SCTR: variants seen among roughly 807,000 people sequenced by gnomAD.
The protein encoded by SCTR is secretin receptor.
SCTR carries 56 observed loss-of-function variants against 60.8 expected under a neutral mutation model. The ratio of observed to expected loss-of-function variants is 0.92; its 90% confidence interval spans 0.74 to 1.15. SCTR has a LOEUF of 1.15. Among genes scored for constraint, SCTR ranks in the 50% most tolerant of loss-of-function variants. The pLI is 0.00. For missense variants in SCTR, 562 were observed against 550.4 expected, an observed-to-expected ratio of 1.02 and a Z score of -0.21; for synonymous variants, 202 against 217.0, an observed-to-expected ratio of 0.93 and a Z score of 0.61.
chr2:119,496,888 T>C (rs1395977824), intron 1 of SCTR, among the ~76,000 whole-genome samples: 1 of 152,114 alleles, frequency 6.6e-6, no homozygotes, highest in Non-Finnish European at 1.5e-5. Context: ...AAGCCATAAC[T>C]GGTAACCAGC....
intron 3 of SCTR, among the ~76,000 whole-genome samples, 198 bp from the exon 4 acceptor site, chr2:119,473,754 A>G (rs1677135971): frequency 6.6e-6 from 1 of 152,170 alleles, no homozygotes; most frequent in South Asian, 2.1e-4. Flanking sequence ...CTCGGGCTCC[A>G]GAGCCCAAGC....
At chr2:119,489,048 C>T (rs749137651) in intron 2 of SCTR, among the ~76,000 whole-genome samples, 5 of 152,158 alleles carry the variant, frequency 3.3e-5, no homozygotes, top group Non-Finnish European at 1.5e-5. Context: ...AACAGGAATG[C>T]TGGGTGCCCA....
intron 1 of SCTR, among the ~76,000 whole-genome samples, chr2:119,523,384 T>A (rs569596244): frequency 9.7e-4 from 143 of 147,108 alleles, no homozygotes; most frequent in African/African-American, 3.4e-3. Context: ...AAACCACCCA[T>A]CCTGCCGCTA....
At chr2:119,462,381 A>G (rs762663022) in intron 6 of SCTR, among the ~76,000 whole-genome samples, 6 of 152,146 alleles carry the variant, frequency 3.9e-5, no homozygotes, top group Admixed American at 3.3e-4. Context: ...AAGGGAAGAG[A>G]TTTCTGAGCA....
intron 1 of SCTR, among the ~76,000 whole-genome samples, chr2:119,500,338 A>G (rs1678501797): frequency 6.6e-6 from 1 of 152,224 alleles, no homozygotes; most frequent in Admixed American, 6.5e-5. Flanking sequence ...CTAAAAATAG[A>G]ACTACCATAT....
intron 1 of SCTR, among the ~76,000 whole-genome samples, chr2:119,507,175 A>T (rs10189890): frequency 0.057 from 8,745 of 152,252 alleles, 778 homozygotes; most frequent in African/African-American, 0.2. Flanking sequence ...ATTTAACAGG[A>T]TATGTTCAGG....
intron 1 of SCTR, among the ~76,000 whole-genome samples, chr2:119,520,101 T>A (rs572482064): frequency 6.6e-6 from 1 of 152,182 alleles, no homozygotes; most frequent in South Asian, 2.1e-4. Context: ...TCAGGGATAA[T>A]AAAAATCTCA....
At chr2:119,510,870 G>A (rs1678906950) in intron 1 of SCTR, among the ~76,000 whole-genome samples, 1 of 151,874 alleles carries the variant, frequency 6.6e-6, no homozygotes. Context: ...ACTCCTTTTA[G>A]TTGTTTATTT....
At chr2:119,463,151 AAT>A (rs1380236209) in intron 6 of SCTR, among the ~76,000 whole-genome samples, 3 of 151,944 alleles carry the variant, frequency 2.0e-5, no homozygotes. Context: ...AACTAATCTC[AAT>A]TTCCAATCTC....
intron 3 of SCTR, among the ~76,000 whole-genome samples, chr2:119,474,389 C>A (rs992373839): frequency 6.6e-6 from 1 of 152,208 alleles, no homozygotes; most frequent in Non-Finnish European, 1.5e-5. Context: ...CGGAAGGGAG[C>A]CACTAGCCAG....
chr2:119,505,912 A>G (rs1678725681), intron 1 of SCTR, among the ~76,000 whole-genome samples: 1 of 152,238 alleles, frequency 6.6e-6, no homozygotes, highest in African/African-American at 2.4e-5. Context: ...ATGAACATGT[A>G]TTCAACATTA....
chr2:119,473,327 C>T (rs2104830094), intron 4 of SCTR, 126 bp downstream of exon 4: 1 of 661,020 alleles, frequency 1.5e-6, no homozygotes, highest in East Asian at 2.7e-5. Flanking sequence ...GGGGGTAGCC[C>T]TTACATCCTG....
rs188772508 is a variant in SCTR, at chr2:119,444,948, T to C, written c.1140+1811A>G. On this transcript the variant is annotated intron_variant, in intron 11 of 12. Transcript: ENST00000019103. The stretch of plus-strand genomic sequence containing the variant: ...ATACACATATATTCGTACGAATATA[T>C]ATACATATATTCGTACGAATATATA... Among the ~76,000 whole-genome samples the C allele has an allele frequency of 1.5e-4, 18 of 120,752 alleles. 6 individuals are homozygous for C. Among genetic ancestry groups the C allele is most frequent in the East Asian group, 2.4e-4 (1 of 4,106 alleles). 79.2% of individuals were successfully genotyped at this position (120,752 alleles called of 152,430 possible). A position where few individuals can be genotyped will look rare whatever the true frequency, so the allele number is the denominator to read the frequency against.
Position 119,478,975 on chromosome 2 carries a change from C to T in SCTR, c.194-57G>A, listed in dbSNP as rs1036166912. 6 of 1,603,742 alleles carry T rather than the reference C, an allele frequency of 3.7e-6. No individual in the cohort carries two copies. The African/African-American group carries it at 4.0e-5, about 11-fold the overall frequency. ...GGGGATGGACCGAGGGCTGCCCTACCATCCTGTCCACATCACCGACACCCT... is the reference window on the plus strand; with the variant it reads ...GGGGATGGACCGAGGGCTGCCCTACTATCCTGTCCACATCACCGACACCCT... On this transcript the variant is annotated intron_variant, in intron 2 of 12. Coordinates refer to ENST00000019103, the MANE Select transcript of SCTR (RefSeq NM_002980.3).
chr2:119,475,956 G>T (rs1353201360), intron 3 of SCTR, among the ~76,000 whole-genome samples: 1 of 152,022 alleles, frequency 6.6e-6, no homozygotes, highest in Non-Finnish European at 1.5e-5. Flanking sequence ...CAGAATCAAA[G>T]GAATACACCC....
intron 6 of SCTR, among the ~76,000 whole-genome samples, chr2:119,462,503 G>A (rs1683653177): frequency 6.6e-6 from 1 of 152,218 alleles, no homozygotes; most frequent in Non-Finnish European, 1.5e-5. Context: ...GCCCTGGCTG[G>A]TACATTGCAC....
chr2:119,524,030 A>G, intron 1 of SCTR, 125 bp downstream of exon 1: 3 of 713,014 alleles, frequency 4.2e-6, no homozygotes, highest in Non-Finnish European at 7.4e-6. Context: ...TTGGGAGGGA[A>G]GAGTCCCTAT....
chr2:119,489,216 C>G (rs1425990120), intron 2 of SCTR, among the ~76,000 whole-genome samples: 1 of 152,188 alleles, frequency 6.6e-6, no homozygotes, highest in Non-Finnish European at 1.5e-5. Context: ...CACCGGTGAC[C>G]AGGACCACGT....
intron 7 of SCTR, among the ~76,000 whole-genome samples, 191 bp from the exon 8 acceptor site, chr2:119,453,538 G>C (rs539411151): frequency 1.9e-3 from 288 of 152,346 alleles, no homozygotes; most frequent in African/African-American, 6.7e-3. Context: ...AGGGTGCCGG[G>C]CATGCCCTGG....
Sources: allele counts gnomAD v4.1 joint callset (sites outside exome capture counted in the v4.1 genomes callset), GRCh38; gene constraint gnomAD v4.1.1; transcripts MANE v1.5; gene names NCBI Gene and HGNC (gene_info 2026-07-23, HGNC 2026-07-21).